NINJ2: variants seen among roughly 807,000 people sequenced by gnomAD.
The protein encoded by NINJ2 is ninjurin 2, also known as ninjurin-2.
A neutral mutation model predicts 11.7 loss-of-function variants in NINJ2; 12 were observed. The ratio of observed to expected loss-of-function variants is 1.02; its 90% CI spans 0.66 to 1.66. The LOEUF is 1.66. NINJ2 is among the 40% of genes most tolerant of loss of function. The probability of loss-of-function intolerance (pLI) is 0.00; values close to 1 mark genes in which losing one functional copy is unlikely to be tolerated. For missense variants in NINJ2, 187 were observed against 181.8 expected (o/e 1.03, Z -0.16); for synonymous variants, 93 against 76.8 (o/e 1.21, Z -1.10).
intron 1 of NINJ2, among the ~76,000 whole-genome samples, chr12:609,944 T>TA (rs60084425): frequency 0.069 from 8,739 of 126,752 alleles, 330 homozygotes; most frequent in South Asian, 0.13. Context: ...GACCCTGTCT[T>TA]AAAAAAAAAA....
chr12:567,901 A>C (rs1032525797), intron 1 of NINJ2, among the ~76,000 whole-genome samples: 1 of 152,188 alleles, frequency 6.6e-6, no homozygotes, highest in African/African-American at 2.4e-5. Context: ...CCAGCTACTC[A>C]GGAGGCTGAG....
At chr12:606,239 G>GAAATTAAAAATATAA (rs892335920) in intron 1 of NINJ2, among the ~76,000 whole-genome samples, 3 of 151,744 alleles carry the variant, frequency 2.0e-5, no homozygotes, top group Non-Finnish European at 4.4e-5. Flanking sequence ...CTAAAAATAT[G>GAAATTAAAAATATAA]AAATTAAAAA....
chr12:622,787 T>G (rs769900351), intron 1 of NINJ2, among the ~76,000 whole-genome samples: 4 of 152,126 alleles, frequency 2.6e-5, no homozygotes, highest in South Asian at 2.1e-4. Flanking sequence ...TTTTCTTTTT[T>G]TTTTAATTTT....
intron 1 of NINJ2, chr12:610,561 C>G: frequency 1.4e-6 from 2 of 1,459,156 alleles, no homozygotes; most frequent in Non-Finnish European, 1.8e-6. Flanking sequence ...CACAGCTTCA[C>G]TGGTGGGTTA....
intron 1 of NINJ2, among the ~76,000 whole-genome samples, chr12:609,540 C>T (rs1408195386): frequency 2.0e-5 from 3 of 152,140 alleles, no homozygotes; most frequent in Admixed American, 6.5e-5. Context: ...GAGGCTGAGG[C>T]GGGTGGATCA....
At chr12:610,609 G>C (rs1399623783) in intron 1 of NINJ2, 5 of 985,274 alleles carry the variant, frequency 5.1e-6, no homozygotes, top group Non-Finnish European at 6.0e-6. Context: ...AGCCACAGGA[G>C]GGGGTTACCA....
chr12:649,073 C>T (rs1246723177), intron 1 of NINJ2, among the ~76,000 whole-genome samples: 2 of 147,688 alleles, frequency 1.4e-5, no homozygotes, highest in African/African-American at 2.5e-5. Flanking sequence ...TTTTTCGAGA[C>T]GGAGTCTCTG....
chr12:645,032 G>A (rs1592116627), intron 1 of NINJ2: 1 of 152,210 alleles, frequency 6.6e-6, no homozygotes, highest in East Asian at 1.9e-4. Context: ...CTTCCAGACT[G>A]CGAGACAATC....
intron 1 of NINJ2, among the ~76,000 whole-genome samples, chr12:603,409 C>CT (rs1364318179): frequency 6.6e-6 from 1 of 152,118 alleles, no homozygotes; most frequent in African/African-American, 2.4e-5. Flanking sequence ...GAAACGCAAC[C>CT]TTTTTTAATA....
intron 1 of NINJ2, among the ~76,000 whole-genome samples, chr12:611,444 TCTC>T (rs1948033253): frequency 6.6e-6 from 1 of 152,166 alleles, no homozygotes; most frequent in Non-Finnish European, 1.5e-5. Context: ...TTTACGCAAT[TCTC>T]CTGCTTCAGC....
At chr12:642,999 C>G (rs1948441359) in intron 1 of NINJ2, 1 of 151,350 alleles carries the variant, frequency 6.6e-6, no homozygotes, top group African/African-American at 2.4e-5. Context: ...GCCCGGCCGC[C>G]GCGGCCTCTT....
intron 1 of NINJ2, among the ~76,000 whole-genome samples, chr12:583,401 C>T (rs1471199766): frequency 6.6e-6 from 1 of 152,262 alleles, no homozygotes; most frequent in Non-Finnish European, 1.5e-5. Context: ...GAGCGAGAGA[C>T]CTCCAAGGCC....
intron 1 of NINJ2, among the ~76,000 whole-genome samples, chr12:601,390 CAA>C (rs1041287823): frequency 4.3e-4 from 65 of 150,538 alleles, no homozygotes; most frequent in South Asian, 2.1e-3. Flanking sequence ...ACTAAAAATA[CAA>C]AAAAAATTAG....
In NINJ2 at chr12:585,251, G is replaced by GGGGCTCT. The variant is rs1221561032; in HGVS notation, c.34-19074_34-19073insAGAGCCC. On this transcript the variant is annotated intron_variant, in intron 1 of 3. Transcript: ENST00000305108. The surrounding 1 kb of genome is among the most constrained non-coding windows in gnomAD (Gnocchi z 4.1). ...CTCTCCCCGCCATTCACTGGGCTCT[G>GGGGCTCT]GGGGCTCTGGGCTTCCCTGCTGCAA... Among the ~76,000 whole-genome samples the GGGGCTCT allele has an allele frequency of 2.5e-5, 2 of 79,566 alleles. No individual in the cohort carries two copies. Among genetic ancestry groups the GGGGCTCT allele is most frequent in the East Asian group, 4.0e-4 (1 of 2,480 alleles). The allele number at this position is 79,566 out of a possible 152,430, so 52.2% of individuals were successfully genotyped here.
intron 1 of NINJ2, among the ~76,000 whole-genome samples, chr12:654,106 G>C (rs1474641887): frequency 6.6e-6 from 1 of 152,090 alleles, no homozygotes; most frequent in Non-Finnish European, 1.5e-5. Context: ...GAAGTGGGAG[G>C]ATTGCTTGTG....
At chr12:582,094 C>G (rs1947563357) in intron 1 of NINJ2, among the ~76,000 whole-genome samples, 1 of 152,218 alleles carries the variant, frequency 6.6e-6, no homozygotes, top group South Asian at 2.1e-4. Flanking sequence ...AGTCACACGG[C>G]TAGGAGATCA....
intron 1 of NINJ2, among the ~76,000 whole-genome samples, chr12:660,566 C>T (rs1470503271): frequency 2.0e-5 from 3 of 151,850 alleles, no homozygotes; most frequent in Non-Finnish European, 4.4e-5. Flanking sequence ...GTCTGCAACC[C>T]CTGACCTCGT....
Position 640,433 on chromosome 12 carries a change from C to T in NINJ2, c.33+22895G>A, listed in dbSNP as rs942692735. ...TTCATTCAGACCTCCCTTTCAATGACAGCAGGGCCTTTAGTCCCAACTACA... is the reference window on the plus strand; with the variant it reads ...TTCATTCAGACCTCCCTTTCAATGATAGCAGGGCCTTTAGTCCCAACTACA... On this transcript the variant is annotated intron_variant, in intron 1 of 3. Transcript: ENST00000305108. This position sits in a 1 kb window ranked among gnomAD's most constrained non-coding sequence, Gnocchi z 4.0. Among the ~76,000 whole-genome samples the T allele has an allele frequency of 1.3e-5, 2 of 152,334 alleles. No homozygotes were observed. Among genetic ancestry groups the T allele is most frequent in the Non-Finnish European group, 2.9e-5 (2 of 68,030 alleles).
chr12:610,848 C>T (rs962034314), intron 1 of NINJ2, among the ~76,000 whole-genome samples: 1 of 150,898 alleles, frequency 6.6e-6, no homozygotes, highest in African/African-American at 2.4e-5. Context: ...ATTCTCCTGC[C>T]TCAGCCTCCC....
Sources: allele counts gnomAD v4.1 joint callset (sites outside exome capture counted in the v4.1 genomes callset), GRCh38; gene constraint gnomAD v4.1.1; non-coding constraint Gnocchi (gnomAD v3.1); transcripts MANE v1.5; gene names NCBI Gene and HGNC (gene_info 2026-07-23, HGNC 2026-07-21).